PDE1C: variants seen among roughly 807,000 people sequenced by gnomAD.
PDE1C encodes the protein phosphodiesterase 1C.
A neutral mutation model predicts 93.1 loss-of-function variants in PDE1C; 62 were observed. The observed-to-expected ratio is 0.67, with a 90% CI of 0.54 to 0.82. PDE1C has a LOEUF of 0.82. PDE1C is among the 40% of genes least tolerant of loss of function. The probability of loss-of-function intolerance (pLI) is 0.00; values close to 1 mark genes in which losing one functional copy is unlikely to be tolerated. For synonymous variants in PDE1C, 325 were observed against 310.1 expected, an observed-to-expected ratio of 1.05 and a Z score of -0.50; for missense variants, 742 against 884.6, an observed-to-expected ratio of 0.84 and a Z score of 2.04.
chr7:32,047,062 AGTGTGTGTGTGT>A (rs59580872), intron 2 of PDE1C, among the ~76,000 whole-genome samples: 2 of 145,868 alleles, frequency 1.4e-5, no homozygotes, highest in Non-Finnish European at 3.0e-5. Flanking sequence ...TGCGAGACAG[AGTGTGTGTGTGT>A]GTGTGTGTGT....
chr7:32,153,580 T>C (rs1366077582), intron 3 of PDE1C, among the ~76,000 whole-genome samples: 1 of 152,210 alleles, frequency 6.6e-6, no homozygotes, highest in Non-Finnish European at 1.5e-5. Context: ...AAACATGCAC[T>C]TCCTGGTCCC....
intron 2 of PDE1C, among the ~76,000 whole-genome samples, chr7:31,954,136 T>C (rs904039812): frequency 1.3e-5 from 2 of 152,254 alleles, no homozygotes; most frequent in Non-Finnish European, 2.9e-5. Flanking sequence ...TGGGGACTTG[T>C]TGCTGGGAAT....
intron 1 of PDE1C, among the ~76,000 whole-genome samples, chr7:32,311,928 T>C (rs558465780): frequency 1.3e-5 from 2 of 151,866 alleles, no homozygotes; most frequent in African/African-American, 4.8e-5. Context: ...GAGAAGGAAA[T>C]AAAGGGTATT....
intron 2 of PDE1C, among the ~76,000 whole-genome samples, chr7:31,889,810 A>C (rs1562978533): frequency 6.6e-6 from 1 of 152,206 alleles, no homozygotes; most frequent in Non-Finnish European, 1.5e-5. Flanking sequence ...GTTTTAATCC[A>C]TTTTGAGCAA....
rs982857 is a variant in PDE1C at position 31,790,481 on chromosome 7, A to G, written c.1892-14749T>C. On this transcript the variant is annotated intron_variant, in intron 16 of 17. Transcript: ENST00000396191. Reference sequence around the variant, plus strand: ...AAACTGTAATATCAGTACATTTGAAATCTTAATAGTTGCTGTAAACTAGAT... The same window carrying G: ...AAACTGTAATATCAGTACATTTGAAGTCTTAATAGTTGCTGTAAACTAGAT... Among the ~76,000 whole-genome samples the G allele has an allele frequency of 0.54, 82,039 of 151,960 alleles. 23,727 individuals are homozygous for G. The highest frequency in any genetic ancestry group is 0.64 in the Non-Finnish European group (43,509 of 67,956).
intron 2 of PDE1C, among the ~76,000 whole-genome samples, chr7:32,015,363 T>G (rs1787750253): frequency 6.6e-6 from 1 of 151,984 alleles, no homozygotes; most frequent in South Asian, 2.1e-4. Context: ...ACACTAATTC[T>G]CCACCCCAGG....
At chr7:32,358,470 TG>T (rs1784072695) in intron 1 of PDE1C, among the ~76,000 whole-genome samples, 1 of 152,154 alleles carries the variant, frequency 6.6e-6, no homozygotes, top group South Asian at 2.1e-4. Flanking sequence ...CTTCACAGGT[TG>T]TGGTAAGGAT....
At position 32,207,314 on chromosome 7, in the gene PDE1C, G is replaced by A. The variant is rs116565476; in HGVS notation, c.136+2175C>T. ...CACTGTCAAGGCTGTCTTGTTGGAC[G>A]CAAAAATTAGAGAATGTTGCAGTAC... On this transcript the variant is annotated intron_variant, in intron 2 of 18. Coordinates refer to the PDE1C transcript ENST00000396193. Among the ~76,000 whole-genome samples the A allele has an allele frequency of 5.6e-3, 830 of 148,178 alleles. 8 individuals are homozygous for A. The highest frequency in any genetic ancestry group is 0.02 in the African/African-American group (773 of 39,602).
chr7:31,809,336 A>G (rs1227590786), intron 15 of PDE1C, among the ~76,000 whole-genome samples: 1 of 152,044 alleles, frequency 6.6e-6, no homozygotes, highest in Non-Finnish European at 1.5e-5. Flanking sequence ...TAGTTAAGTT[A>G]TGTGCTTATC....
In PDE1C at chr7:31,777,307, C is replaced by T. The variant is rs114163717; in HGVS notation, c.1892-1575G>A. Among the ~76,000 whole-genome samples, 1,161 of 151,988 alleles carry T rather than the reference C, an allele frequency of 7.6e-3. 25 individuals are homozygous for T. Among genetic ancestry groups the T allele is most frequent in the African/African-American group, 0.027 (1,108 of 41,462 alleles). The stretch of plus-strand genomic sequence containing the variant: ...GAGTGGAGACATGCACTTTGGATGA[C>T]GTTTGATATCGTTCCATTTTATTTT... On this transcript the variant is annotated intron_variant, in intron 16 of 17. Transcript: ENST00000396191.
At chr7:32,079,310 CAG>C (rs757166914) in intron 3 of PDE1C, among the ~76,000 whole-genome samples, 22 of 152,124 alleles carry the variant, frequency 1.4e-4, no homozygotes, top group Non-Finnish European at 3.1e-4. Context: ...AGATACTAAA[CAG>C]ATTATAAAAC....
chr7:31,748,796 C>G (rs984953481), downstream of PDE1C, among the ~76,000 whole-genome samples: 7 of 152,232 alleles, frequency 4.6e-5, no homozygotes, highest in African/African-American at 1.4e-4. Context: ...CTCCCACCCT[C>G]AGTCCCAGGG....
intron 2 of PDE1C, among the ~76,000 whole-genome samples, chr7:31,996,105 A>ACACACT (rs1491219543): frequency 1.4e-5 from 2 of 148,106 alleles, no homozygotes; most frequent in African/African-American, 5.1e-5. Context: ...ACACACACAC[A>ACACACT]CTTCCATGCA....
intron 2 of PDE1C, among the ~76,000 whole-genome samples, chr7:32,009,340 C>A (rs551929099): frequency 6.6e-6 from 1 of 152,256 alleles, no homozygotes; most frequent in East Asian, 1.9e-4. Flanking sequence ...TTAGAATTCA[C>A]AGGACAGCAT....
At position 31,966,460 on chromosome 7, in the gene PDE1C, A is replaced by T. The variant is rs577389593; in HGVS notation, c.128+85094T>A. 2.6e-5 allele frequency among the ~76,000 whole-genome samples: 4 copies of T among 152,308 alleles called. No individual in the cohort carries two copies. The South Asian group carries it at 8.3e-4, about 32-fold the overall frequency. On this transcript the variant is annotated intron_variant, in intron 2 of 17. Transcript: ENST00000396191. The stretch of plus-strand genomic sequence containing the variant: ...ACAGGAGCACCCAGATTCATAAAGC[A>T]AGTCCTTAGTGACCTACAAAGAGAC...
At chr7:32,095,587 T>C (rs1797710091) in intron 3 of PDE1C, among the ~76,000 whole-genome samples, 1 of 152,224 alleles carries the variant, frequency 6.6e-6, no homozygotes, top group African/African-American at 2.4e-5. Flanking sequence ...GTTCTTATTA[T>C]ATTTCTCCAG....
chr7:31,656,897 A>AC, the PDE1C span, among the ~76,000 whole-genome samples: 116,322 of 151,150 alleles, frequency 0.77, 44,837 homozygotes, highest in East Asian at 0.83. Context: ...GCTCTATCCC[A>AC]CCAGGACCTT....
chr7:31,760,786 A>T (rs1479958616), intron 17 of PDE1C, among the ~76,000 whole-genome samples: 1 of 151,964 alleles, frequency 6.6e-6, no homozygotes, highest in Non-Finnish European at 1.5e-5. Flanking sequence ...ACACACACAC[A>T]CACACACACC....
At chr7:32,299,083 G>A in exon 1 of PDE1C, 5 of 1,082,260 alleles carry the variant, frequency 4.6e-6, no homozygotes, top group South Asian at 7.9e-5. Context: ...GCCTGGCCAC[G>A]CTACTCTCTG....
Sources: allele counts gnomAD v4.1 joint callset (sites outside exome capture counted in the v4.1 genomes callset), GRCh38; gene constraint gnomAD v4.1.1; transcripts MANE v1.5; gene names NCBI Gene and HGNC (gene_info 2026-07-23, HGNC 2026-07-21).